The following EPHA7 variants were observed in gnomAD, a reference collection of about 807,000 sequenced individuals.
The protein encoded by EPHA7 is EPH receptor A7, also known as ephrin type-A receptor 7.
In EPHA7, 25 loss-of-function variants were observed where a neutral mutation model predicts 112.6. That is an observed-to-expected ratio of 0.22 (90% confidence interval 0.16 to 0.31). EPHA7 has a LOEUF of 0.31. EPHA7 is among the 10% of genes least tolerant of loss of function. The pLI, the probability that EPHA7 is intolerant of heterozygous loss-of-function variation, is 1.00. For synonymous variants in EPHA7, 437 were observed against 406.5 expected (o/e 1.07, Z -0.90); for missense variants, 962 against 1,212.6 (o/e 0.79, Z 3.07).
chr6:93,327,880 T>C (rs1329500566), intron 5 of EPHA7, among the ~76,000 whole-genome samples: 2 of 151,546 alleles, frequency 1.3e-5, no homozygotes, highest in South Asian at 2.1e-4. Flanking sequence ...AGTATATTCA[T>C]GTCATTCTTC....
intron 5 of EPHA7, among the ~76,000 whole-genome samples, chr6:93,345,915 C>T (rs1419744389): frequency 6.6e-6 from 1 of 151,612 alleles, no homozygotes. Flanking sequence ...TGCTTCAATT[C>T]ATCACCAACG....
At chr6:93,336,826 T>C (rs565085746) in intron 5 of EPHA7, among the ~76,000 whole-genome samples, 41 of 152,042 alleles carry the variant, frequency 2.7e-4, no homozygotes, top group African/African-American at 9.2e-4. Context: ...AACTTAACAA[T>C]TTTACCATAA....
Position 93,254,664 on chromosome 6 carries a change from C to T in EPHA7, c.2515G>A (p.Asp839Asn). The T allele has an allele frequency of 6.2e-7, 1 of 1,611,782 alleles. No individual in the cohort carries two copies. Among genetic ancestry groups the T allele is most frequent in the Admixed American group, 1.7e-5 (1 of 59,966 alleles). ...VMSYGERPYW[D>N]MSNQDVIKAI... is the part of the protein sequence containing the mutation. ...ACACCTACATCTTGATTTGACATGT[C>T]CCAATAAGGTCTTTCTCCATAAGAC... The change falls in exon 14 of 17, where the codon GAC (aspartate) becomes AAC (asparagine). Residue 839 changes from aspartate (D) to asparagine (N), a missense_variant. This residue lies in a region of EPHA7 where 746 missense variants were observed against 889.2 expected (regional missense o/e 0.84). Coordinates refer to ENST00000369303, the MANE Select transcript of EPHA7 (RefSeq NM_004440.4).
intron 1 of EPHA7, among the ~76,000 whole-genome samples, chr6:93,417,178 A>G (rs1300909715): frequency 1.3e-5 from 2 of 152,142 alleles, no homozygotes; most frequent in Non-Finnish European, 2.9e-5. Flanking sequence ...GACCAACCCG[A>G]GAGAACGTGC....
Position 93,383,636 on chromosome 6 carries a change from T to C in EPHA7, c.833-25225A>G, listed in dbSNP as rs374493883. 4.6e-5 allele frequency among the ~76,000 whole-genome samples: 7 copies of C among 152,218 alleles called. No individual in the cohort carries two copies. The East Asian group carries it at 7.7e-4, about 17-fold the overall frequency. On this transcript the variant is annotated intron_variant, in intron 3 of 16. Transcript: ENST00000369303. ...TAAAAATAAAATATTCTGGGACTTC[T>C]AAGGAGATATTAGTTTTGATCATAA...
intron 5 of EPHA7, among the ~76,000 whole-genome samples, chr6:93,343,496 A>G (rs1009011263): frequency 6.6e-6 from 1 of 151,784 alleles, no homozygotes; most frequent in Non-Finnish European, 1.5e-5. Context: ...TCAGAGAATT[A>G]TCTGTTTATA....
chr6:93,347,138 T>G (rs1775442010), intron 5 of EPHA7, among the ~76,000 whole-genome samples: 1 of 151,860 alleles, frequency 6.6e-6, no homozygotes, highest in Non-Finnish European at 1.5e-5. Flanking sequence ...AAACACTTTT[T>G]CCTAAGAAAA....
chr6:93,418,747 G>C (rs926981831), intron 1 of EPHA7, among the ~76,000 whole-genome samples: 2 of 152,174 alleles, frequency 1.3e-5, no homozygotes, highest in Non-Finnish European at 2.9e-5. Flanking sequence ...CGAGCTCATC[G>C]AAGTCTCGGT....
intron 3 of EPHA7, among the ~76,000 whole-genome samples, chr6:93,372,028 T>C (rs1322047419): frequency 1.3e-5 from 2 of 152,130 alleles, no homozygotes; most frequent in Non-Finnish European, 2.9e-5. Context: ...AACATTTAAG[T>C]TAAATTACCC....
intron 2 of EPHA7, among the ~76,000 whole-genome samples, chr6:93,412,642 G>A (rs1402010281): frequency 6.6e-6 from 1 of 152,036 alleles, no homozygotes; most frequent in Non-Finnish European, 1.5e-5. Flanking sequence ...CAATCTGAAT[G>A]GCAATCAGCC....
intron 5 of EPHA7, among the ~76,000 whole-genome samples, chr6:93,293,934 C>A (rs1772517218): frequency 6.6e-6 from 1 of 152,136 alleles, no homozygotes; most frequent in Non-Finnish European, 1.5e-5. Flanking sequence ...AAATGACTCC[C>A]AAAGGCAACA....
chr6:93,418,526 C>A (rs1233331571), intron 1 of EPHA7, among the ~76,000 whole-genome samples: 1 of 152,232 alleles, frequency 6.6e-6, no homozygotes, highest in African/African-American at 2.4e-5. Flanking sequence ...ACGGCCCGAC[C>A]AAGCCCGCTG....
intron 5 of EPHA7, among the ~76,000 whole-genome samples, chr6:93,282,725 C>T (rs560777529): frequency 8.5e-5 from 13 of 152,074 alleles, no homozygotes; most frequent in African/African-American, 2.2e-4. Flanking sequence ...GTGGGCTCGG[C>T]GGGCCCCTCA....
intron 5 of EPHA7, among the ~76,000 whole-genome samples, chr6:93,306,140 T>A (rs1773246007): frequency 6.6e-6 from 1 of 152,000 alleles, no homozygotes. Context: ...TTTTAAAATA[T>A]AATTTGACTG....
At chr6:93,309,677 C>A (rs1342306413) in intron 5 of EPHA7, among the ~76,000 whole-genome samples, 1 of 151,520 alleles carries the variant, frequency 6.6e-6, no homozygotes, top group Non-Finnish European at 1.5e-5. Context: ...AAATTCATAC[C>A]CATTCAAATA....
At chr6:93,307,075 T>A (rs1773297815) in intron 5 of EPHA7, among the ~76,000 whole-genome samples, 1 of 151,900 alleles carries the variant, frequency 6.6e-6, no homozygotes, top group Non-Finnish European at 1.5e-5. Context: ...TAAACATAAC[T>A]GCTAATAAAA....
At chr6:93,293,503 T>C (rs1211160640) in intron 5 of EPHA7, among the ~76,000 whole-genome samples, 3 of 152,186 alleles carry the variant, frequency 2.0e-5, no homozygotes, top group African/African-American at 7.2e-5. Context: ...ATCATCATTA[T>C]GGAATCCTGT....
intron 3 of EPHA7, among the ~76,000 whole-genome samples, chr6:93,379,729 T>C (rs1343023071): frequency 6.6e-6 from 1 of 151,844 alleles, no homozygotes; most frequent in Admixed American, 6.6e-5. Flanking sequence ...TAAAGGGAAA[T>C]AAAAGCGTTC....
At chr6:93,388,343 A>T (rs1777733579) in intron 3 of EPHA7, among the ~76,000 whole-genome samples, 1 of 152,132 alleles carries the variant, frequency 6.6e-6, no homozygotes, top group Non-Finnish European at 1.5e-5. Flanking sequence ...CTCACCCTGG[A>T]AGAGAATCCC....
Sources: gnomAD v4.1 joint callset for allele counts (sites outside exome capture counted in the v4.1 genomes callset) on GRCh38, gnomAD v4.1.1 for gene constraint, gnomAD v4.1.1 regional missense constraint, MANE v1.5 for transcripts, NCBI Gene and HGNC (gene_info 2026-07-23, HGNC 2026-07-21) for gene names.